PSG7: variants seen among roughly 807,000 people sequenced by gnomAD.
PSG7 encodes pregnancy-specific beta-1-glycoprotein 7.
A neutral mutation model predicts 45.6 loss-of-function variants in PSG7; 57 were observed. That is an observed-to-expected ratio of 1.25 (90% CI 1.01 to 1.56). The LOEUF (loss-of-function observed/expected upper bound fraction) is 1.56, where lower values mean the gene tolerates loss of function less well. Ranked by LOEUF, PSG7 falls within the 40% of genes most tolerant of loss-of-function variation. The probability of loss-of-function intolerance (pLI) is 0.00; values close to 1 mark genes in which losing one functional copy is unlikely to be tolerated. For missense variants in PSG7, 796 were observed against 508.4 expected (o/e 1.57, Z -5.44); for synonymous variants, 298 against 194.4 (o/e 1.53, Z -4.43).
rs376943312 is a variant in PSG7 at position 42,934,149 on chromosome 19, C to G, written c.430+1255G>C. Among the ~76,000 whole-genome samples, 377 of 151,482 alleles carry G rather than the reference C, an allele frequency of 2.5e-3. 12 individuals carry two copies. The highest frequency in any genetic ancestry group is 7.5e-3 in the African/African-American group (310 of 41,246). On this transcript the variant is annotated intron_variant, in intron 2 of 5. Coordinates refer to ENST00000406070, the MANE Select transcript of PSG7 (RefSeq NM_002783.3). ...TCCTCTCATGACAGTGACATGGGAA[C>G]TTTGGGAAACACAGGATTTCAGGTT...
Position 42,924,308 on chromosome 19 carries a change from C to A in PSG7, c.*500G>T, listed in dbSNP as rs566031598. The A allele has an allele frequency of 3.6e-4, 125 of 350,838 alleles. 1 individual carries two copies. The highest frequency in any genetic ancestry group is 1.3e-3 in the South Asian group (10 of 7,738). The allele number at this position is 350,838 out of a possible 1,614,324, so 21.7% of individuals were successfully genotyped here. A position where few individuals can be genotyped will look rare whatever the true frequency, so the allele number is the denominator to read the frequency against. On this transcript the variant is annotated 3_prime_UTR_variant, in exon 6 of 6. Coordinates refer to ENST00000406070, the MANE Select transcript of PSG7 (RefSeq NM_002783.3). ...ACCATCTTCTCTGCAAACACACAGG[C>A]AATATCTCTGTGTTCATTTCTATTG... is the stretch of plus-strand genomic sequence containing the variant.
chr19:42,924,707 A>G lies in PSG7; in HGVS notation c.*101T>C, dbSNP rs951833286. On this transcript the variant is annotated 3_prime_UTR_variant, in exon 6 of 6. Coordinates refer to ENST00000406070, the MANE Select transcript of PSG7 (RefSeq NM_002783.3). ...ACAAGGATTTTCCCATGAAATTTAC[A>G]TTGAGTTGTCCAACTCTGACTTATA... The G allele has an allele frequency of 1.7e-5, 13 of 765,612 alleles. No individual in the cohort carries two copies. Among genetic ancestry groups the G allele is most frequent in the Non-Finnish European group, 2.9e-5 (12 of 417,376 alleles). The allele number at this position is 765,612 out of a possible 1,614,324, so 47.4% of individuals were successfully genotyped here. A position where few individuals can be genotyped will look rare whatever the true frequency, so the allele number is the denominator to read the frequency against.
intron 3 of PSG7, chr19:42,929,069 G>A: frequency 3.2e-6 from 1 of 315,028 alleles, no homozygotes; most frequent in East Asian, 6.2e-5. Flanking sequence ...AATGTCACAG[G>A]TGATATTGTC....
chr19:42,929,805 A>G, intron 2 of PSG7, 85 bp from the exon 3 acceptor site: 2 of 1,525,572 alleles, frequency 1.3e-6, no homozygotes, highest in Non-Finnish European at 1.8e-6. Context: ...TGGCATTTCC[A>G]ACCTCTCAGC....
At chr19:42,933,307 A>ATATATATATATATATTTTT (rs56691588) in intron 2 of PSG7, among the ~76,000 whole-genome samples, 2 of 13,502 alleles carry the variant, frequency 1.5e-4, no homozygotes, top group African/African-American at 1.7e-4. Context: ...ATATATATAT[A>ATATATATATATATATTTTT]TTTTTTTTTT....
intron 2 of PSG7, among the ~76,000 whole-genome samples, chr19:42,930,562 C>T (rs1232171888): frequency 1.3e-5 from 2 of 151,782 alleles, no homozygotes; most frequent in African/African-American, 2.4e-5. Context: ...AAAGGGTGAA[C>T]ATGAACTGAT....
At chr19:42,929,952 G>C (rs1397006457) in intron 2 of PSG7, among the ~76,000 whole-genome samples, 1 of 151,560 alleles carries the variant, frequency 6.6e-6, no homozygotes, top group Non-Finnish European at 1.5e-5. Flanking sequence ...GAATTGAGCA[G>C]CAGCATTGGG....
intron 2 of PSG7, among the ~76,000 whole-genome samples, chr19:42,933,308 T>TATATATATA (rs1555745220): frequency 8.4e-3 from 99 of 11,738 alleles, no homozygotes; most frequent in Non-Finnish European, 0.014. Flanking sequence ...TATATATATA[T>TATATATATA]TTTTTTTTTT....
chr19:42,925,823 T>A lies in PSG7; in HGVS notation c.1193A>T (p.Asn398Ile). 1 of 1,611,812 alleles carries A rather than the reference T, an allele frequency of 6.2e-7. No homozygotes were observed. Residue 398 changes from asparagine (N) to isoleucine (I), a missense_variant, in exon 5 of 6, where the codon AAC becomes ATC. Physicochemically the swap from Asn to Ile is moderately radical, Grantham distance 149. Transcript: ENST00000406070. The part of the protein sequence containing the change: ...HSGLYACSVR[N>I]SATGKESSKS... ...GGAGCTTTCCTTGCCAGTGGCTGAG[T>A]TACGAACAGAGCAAGCATAGAGCCC... is the stretch of plus-strand genomic sequence containing the variant.
rs369137158 is a variant in PSG7, at chr19:42,935,392, G to A, written c.430+12C>T. 2.2e-5 allele frequency: 36 copies of A among 1,611,092 alleles called. 1 individual carries two copies. In the African/African-American group the frequency reaches 4.6e-4, roughly 20 times the overall value. ...GCCCCCCAACACCCAGGGACCATGT[G>A]GAATCACTCACGGTATAAGGTGAAG... On this transcript the variant is annotated intron_variant, in intron 2 of 5. Transcript: ENST00000406070.
chr19:42,935,444 C>T lies in PSG7; in HGVS notation c.390G>A (p.Gly130=). The stretch of plus-strand genomic sequence containing the variant: ...TGAAACGTCCAGTTACTCCTCCAGT[C>T]CCATCACCTCGCTTTATGATGTGTA... The part of the protein sequence containing the change: ...YTLHIIKRGD[G]TGGVTGRFTF... Residue 130 remains glycine, a synonymous_variant, in exon 2 of 6, where the codon GGG becomes GGA. Coordinates refer to ENST00000406070, the MANE Select transcript of PSG7 (RefSeq NM_002783.3). The T allele has an allele frequency of 8.1e-6, 13 of 1,612,152 alleles. No individual in the cohort carries two copies. The highest frequency in any genetic ancestry group is 1.7e-4 in the Middle Eastern group (1 of 6,054).
intron 2 of PSG7, among the ~76,000 whole-genome samples, chr19:42,931,096 G>A (rs575550458): frequency 4.6e-5 from 7 of 151,556 alleles, no homozygotes; most frequent in South Asian, 2.1e-4. Context: ...TGCTCAATTC[G>A]TAATACTGTA....
intron 3 of PSG7, chr19:42,927,412 G>T (rs1972918745): frequency 6.5e-6 from 1 of 152,934 alleles, no homozygotes; most frequent in African/African-American, 2.4e-5. Context: ...GGACAAGCAA[G>T]AGCTGGTGGT....
At chr19:42,925,228 T>C (rs1308023935) in intron 5 of PSG7, 1 of 306,870 alleles carries the variant, frequency 3.3e-6, no homozygotes, top group Non-Finnish European at 6.0e-6. Context: ...CTTGGTAATA[T>C]AACCAATGAT....
intron 2 of PSG7, among the ~76,000 whole-genome samples, chr19:42,934,575 TC>T (rs1394223983): frequency 6.6e-6 from 1 of 151,696 alleles, no homozygotes; most frequent in Non-Finnish European, 1.5e-5. Flanking sequence ...TTATTCACAG[TC>T]ACCTGACCTA....
chr19:42,934,346 G>C (rs10415068), intron 2 of PSG7, among the ~76,000 whole-genome samples: 3,494 of 151,442 alleles, frequency 0.023, 163 homozygotes, highest in African/African-American at 0.073. Context: ...CAATAAATGA[G>C]TATGGGGTGC....
rs767477206 is a variant in PSG7 at position 42,937,081 on chromosome 19, T to C, written c.-5A>G. On this transcript the variant is annotated 5_prime_UTR_variant, in exon 1 of 6. Transcript: ENST00000406070. ...AGGGGCTGAGAGGGGCCCCATGGTCTCTGCTCCCTGCGTGTTCTCCTCTGT... is the reference window on the plus strand; with the variant it reads ...AGGGGCTGAGAGGGGCCCCATGGTCCCTGCTCCCTGCGTGTTCTCCTCTGT... 2 of 1,610,710 alleles carry C rather than the reference T, an allele frequency of 1.2e-6. No individual in the cohort carries two copies. Among genetic ancestry groups the C allele is most frequent in the East Asian group, 2.2e-5 (1 of 44,732 alleles).
intron 2 of PSG7, among the ~76,000 whole-genome samples, chr19:42,933,281 ATATATATATATATATATATATATATAT>A (rs1167193065): frequency 1.6e-4 from 1 of 6,316 alleles, no homozygotes; most frequent in African/African-American, 4.7e-4. Context: ...ATATATATAT[ATATATATATATATATATATATATATAT>A]TTTTTTTTTT....
intron 2 of PSG7, among the ~76,000 whole-genome samples, chr19:42,931,860 T>A (rs1233134021): frequency 6.6e-6 from 1 of 150,934 alleles, no homozygotes; most frequent in Non-Finnish European, 1.5e-5. Context: ...AACAAAATAC[T>A]AAATATGAAG....
Sources: allele counts gnomAD v4.1 joint callset (sites outside exome capture counted in the v4.1 genomes callset), GRCh38; gene constraint gnomAD v4.1.1; transcripts MANE v1.5; gene names NCBI Gene and HGNC (gene_info 2026-07-23, HGNC 2026-07-21).